The following KCNAB1 variants were observed in gnomAD, a reference collection of about 807,000 sequenced individuals.
KCNAB1 encodes the protein voltage-gated potassium channel subunit beta-1.
KCNAB1 carries 35 observed loss-of-function variants against 64.6 expected under a neutral mutation model. The ratio of observed to expected loss-of-function variants is 0.54; its 90% CI spans 0.41 to 0.72. KCNAB1 has a LOEUF of 0.72. Among genes scored for constraint, KCNAB1 ranks in the 30% least tolerant of loss-of-function variants. The pLI is 0.00. For missense variants in KCNAB1, 401 were observed against 512.9 expected (o/e 0.78, Z 2.11); for synonymous variants, 177 against 183.8 (o/e 0.96, Z 0.30).
At chr3:156,486,367 G>A (rs1352554844) in intron 8 of KCNAB1, among the ~76,000 whole-genome samples, 1 of 152,144 alleles carries the variant, frequency 6.6e-6, no homozygotes, top group Non-Finnish European at 1.5e-5. Context: ...GGGGAGTAAA[G>A]GGGGTCTAGT....
intron 2 of KCNAB1, among the ~76,000 whole-genome samples, chr3:156,437,123 T>C (rs1576863878): frequency 6.6e-6 from 1 of 152,308 alleles, no homozygotes; most frequent in Admixed American, 6.5e-5. Context: ...CACAGTGTCC[T>C]AAATGCATGC....
intron 1 of KCNAB1, among the ~76,000 whole-genome samples, chr3:156,356,172 GA>G (rs891673217): frequency 1.4e-5 from 2 of 142,540 alleles, no homozygotes; most frequent in African/African-American, 5.6e-5. Context: ...AAGCAAGCAA[GA>G]AAAAAAGAAA....
At chr3:156,213,239 GAC>G (rs1715125433) in intron 1 of KCNAB1, among the ~76,000 whole-genome samples, 1 of 146,796 alleles carries the variant, frequency 6.8e-6, no homozygotes, top group Admixed American at 6.9e-5. Flanking sequence ...TGTCTTTTGA[GAC>G]AGAGTCTCGT....
At chr3:156,384,103 G>A (rs182578927) in intron 1 of KCNAB1, among the ~76,000 whole-genome samples, 1 of 152,316 alleles carries the variant, frequency 6.6e-6, no homozygotes, top group East Asian at 1.9e-4. Context: ...TCAGATTAAA[G>A]GGTTGTATAA....
chr3:156,198,153 C>A (rs1714075873), intron 1 of KCNAB1, among the ~76,000 whole-genome samples: 1 of 152,146 alleles, frequency 6.6e-6, no homozygotes, highest in Non-Finnish European at 1.5e-5. Context: ...GTCTGAGATA[C>A]TGTTTGTTAT....
intron 1 of KCNAB1, among the ~76,000 whole-genome samples, chr3:156,251,802 A>T (rs1717845301): frequency 6.6e-6 from 1 of 152,198 alleles, no homozygotes; most frequent in African/African-American, 2.4e-5. Flanking sequence ...TGTTCTGTGC[A>T]ATTGAAATTT....
intron 1 of KCNAB1, among the ~76,000 whole-genome samples, chr3:156,369,409 A>G (rs1726158296): frequency 6.6e-6 from 1 of 152,222 alleles, no homozygotes; most frequent in African/African-American, 2.4e-5. Flanking sequence ...ACATTCTTGT[A>G]TGTATCTTTC....
intron 1 of KCNAB1, among the ~76,000 whole-genome samples, chr3:156,349,227 A>T (rs1724698260): frequency 6.6e-6 from 1 of 152,104 alleles, no homozygotes; most frequent in African/African-American, 2.4e-5. Flanking sequence ...GGGCAAGTGG[A>T]AGAAAAAAAG....
At chr3:156,367,480 C>T (rs575589598) in intron 1 of KCNAB1, among the ~76,000 whole-genome samples, 7 of 152,154 alleles carry the variant, frequency 4.6e-5, no homozygotes, top group Admixed American at 2.0e-4. Flanking sequence ...TGTTCCCGGC[C>T]GAGTAATCTA....
At position 156,347,385 on chromosome 3, in the gene KCNAB1, G is replaced by A. The variant is rs555678060; in HGVS notation, c.276-74231G>A. Among the ~76,000 whole-genome samples the A allele has an allele frequency of 2.6e-5, 4 of 152,320 alleles. No homozygotes were observed. The South Asian group carries it at 8.3e-4, about 32-fold the overall frequency. On this transcript the variant is annotated intron_variant, in intron 1 of 13. Coordinates refer to ENST00000490337, the MANE Select transcript of KCNAB1 (RefSeq NM_172160.3). ...AGGGCTTTATTGCTTGCTGTGTGAG[G>A]AAAAAGTTACCTTTCTGAGCTTGAG...
chr3:156,361,468 A>G (rs527964108), intron 1 of KCNAB1, among the ~76,000 whole-genome samples: 3 of 152,044 alleles, frequency 2.0e-5, no homozygotes, highest in African/African-American at 7.2e-5. Flanking sequence ...GTGTGTATAT[A>G]TGTGTATGTG....
chr3:156,505,559 G>A (rs1332814593), intron 8 of KCNAB1, among the ~76,000 whole-genome samples: 1 of 152,034 alleles, frequency 6.6e-6, no homozygotes, highest in African/African-American at 2.4e-5. Context: ...TATTTTTTGT[G>A]TGTTCTCTTC....
intron 7 of KCNAB1, among the ~76,000 whole-genome samples, chr3:156,469,132 C>G (rs1006965991): frequency 1.3e-5 from 2 of 151,730 alleles, no homozygotes; most frequent in African/African-American, 4.8e-5. Context: ...AATATAAAAT[C>G]GAAGAGAAAA....
chr3:156,390,182 C>G (rs997134436), intron 1 of KCNAB1, among the ~76,000 whole-genome samples: 1 of 152,182 alleles, frequency 6.6e-6, no homozygotes, highest in Non-Finnish European at 1.5e-5. Context: ...TCAGAAGGCT[C>G]TGGTAGAGAC....
intron 1 of KCNAB1, among the ~76,000 whole-genome samples, chr3:156,316,521 G>A (rs759664889): frequency 2.6e-5 from 4 of 152,192 alleles, no homozygotes; most frequent in South Asian, 4.1e-4. Flanking sequence ...ACTTTTCAGG[G>A]TTCATAAAAT....
At chr3:156,439,564 A>C (rs34801429) in intron 2 of KCNAB1, among the ~76,000 whole-genome samples, 9,620 of 152,266 alleles carry the variant, frequency 0.063, 398 homozygotes, top group Middle Eastern at 0.099. Flanking sequence ...AAGTGTGCAC[A>C]CAGGCCTTTT....
chr3:156,156,236 G>C (rs1256910475), intron 1 of KCNAB1, among the ~76,000 whole-genome samples: 1 of 151,950 alleles, frequency 6.6e-6, no homozygotes, highest in Non-Finnish European at 1.5e-5. Flanking sequence ...CAAGGAGCTA[G>C]ATTTTTCTTT....
At chr3:156,157,734 C>G (rs1220194522) in intron 1 of KCNAB1, among the ~76,000 whole-genome samples, 1 of 152,038 alleles carries the variant, frequency 6.6e-6, no homozygotes, top group Non-Finnish European at 1.5e-5. Flanking sequence ...AGATATTATG[C>G]TTAACAACCA....
At chr3:156,171,453 G>A (rs1205169528) in intron 1 of KCNAB1, among the ~76,000 whole-genome samples, 1 of 152,156 alleles carries the variant, frequency 6.6e-6, no homozygotes, top group Non-Finnish European at 1.5e-5. Context: ...CAGAGTGCTT[G>A]AAAGAATTTC....
Sources: gnomAD v4.1 joint callset for allele counts (sites outside exome capture counted in the v4.1 genomes callset) on GRCh38, gnomAD v4.1.1 for gene constraint, MANE v1.5 for transcripts, NCBI Gene and HGNC (gene_info 2026-07-23, HGNC 2026-07-21) for gene names.